Variants in RCAN1 observed in about 807,000 individuals in gnomAD.
The protein encoded by RCAN1 is calcipressin-1.
In RCAN1, 11 loss-of-function variants were observed where a neutral mutation model predicts 22.9. That is an observed-to-expected ratio of 0.48 (90% CI 0.30 to 0.79). The LOEUF (loss-of-function observed/expected upper bound fraction) is 0.79. Ranked by LOEUF, RCAN1 falls within the 30% of genes least tolerant of loss-of-function variation. RCAN1 has a pLI of 0.06. For synonymous variants in RCAN1, 136 were observed against 142.3 expected (o/e 0.96, Z 0.32); for missense variants, 291 against 337.8 (o/e 0.86, Z 1.09).
At chr21:34,608,969 T>A (rs1362930458) in intron 1 of RCAN1, among the ~76,000 whole-genome samples, 5 of 152,190 alleles carry the variant, frequency 3.3e-5, no homozygotes, top group Non-Finnish European at 5.9e-5. Context: ...CTGGGGAATG[T>A]GAGCATATTA....
At chr21:34,564,349 C>T (rs1986927480) in intron 1 of RCAN1, among the ~76,000 whole-genome samples, 1 of 151,948 alleles carries the variant, frequency 6.6e-6, no homozygotes, top group African/African-American at 2.4e-5. Context: ...AGAAATGAAG[C>T]TGGAGAGGCA....
chr21:34,564,456 G>C lies in RCAN1; in HGVS notation c.253-40746C>G, dbSNP rs537500855. On this transcript the variant is annotated intron_variant, in intron 1 of 3. Transcript: ENST00000313806. ...AGGAATGCAGCCAGGCTGCGATTTG[G>C]GGGAAGACTGCCCTGGGCCGCCCAG... Among the ~76,000 whole-genome samples, 3 of 152,260 alleles carry C rather than the reference G, an allele frequency of 2.0e-5. No homozygotes were observed. In the South Asian group the frequency reaches 6.2e-4, roughly 32 times the overall value.
chr21:34,576,400 C>G (rs950257487), intron 1 of RCAN1, among the ~76,000 whole-genome samples: 10 of 152,146 alleles, frequency 6.6e-5, no homozygotes, highest in African/African-American at 2.4e-4. Flanking sequence ...TCCAGAGGAA[C>G]CCAGGACAAG....
In RCAN1 at chr21:34,525,015, AGG is replaced by A. The variant is rs1984919165; in HGVS notation, c.253-1307_253-1306del. ...TGTGGGAGCCCGTGTGAAAGGCAGA[AGG>A]GGCTGGCCAGGAAGAAGGGGATGGC... On this transcript the variant is annotated intron_variant, in intron 1 of 3. Transcript: ENST00000313806. The A allele has an allele frequency of 2.6e-6, 4 of 1,533,530 alleles. No individual in the cohort carries two copies. The African/African-American group carries it at 5.5e-5, about 21-fold the overall frequency. 95.0% of individuals were successfully genotyped at this position (1,533,530 alleles called of 1,614,324 possible).
intron 1 of RCAN1, among the ~76,000 whole-genome samples, chr21:34,601,862 G>A (rs1395043663): frequency 1.3e-5 from 2 of 150,846 alleles, no homozygotes; most frequent in Admixed American, 1.3e-4. Context: ...TCCACATTCA[G>A]GATTCAGAGA....
intron 1 of RCAN1, among the ~76,000 whole-genome samples, chr21:34,604,409 G>A (rs974709650): frequency 2.0e-5 from 3 of 152,158 alleles, no homozygotes; most frequent in African/African-American, 7.2e-5. Flanking sequence ...TGAAATTACA[G>A]GGATAAGCCA....
intron 1 of RCAN1, among the ~76,000 whole-genome samples, chr21:34,560,970 C>A (rs887067334): frequency 6.6e-6 from 1 of 152,160 alleles, no homozygotes; most frequent in African/African-American, 2.4e-5. Flanking sequence ...AGGGTGGGAC[C>A]AGGTGGAGGT....
intron 2 of RCAN1, chr21:34,522,426 T>C (rs921381531): frequency 2.6e-5 from 4 of 152,102 alleles, no homozygotes; most frequent in African/African-American, 9.7e-5. Flanking sequence ...GAGTACTAAG[T>C]AATTATTTGC....
chr21:34,541,951 TA>T (rs760925811), intron 1 of RCAN1, among the ~76,000 whole-genome samples: 2 of 151,890 alleles, frequency 1.3e-5, no homozygotes, highest in African/African-American at 2.4e-5. Context: ...ATAAAATAAA[TA>T]AAAAAAATTT....
chr21:34,614,454 G>A lies in RCAN1; in HGVS notation c.252+306C>T, dbSNP rs1402666883. The A allele has an allele frequency of 9.9e-7, 1 of 1,014,700 alleles. No homozygotes were observed. Among genetic ancestry groups the A allele is most frequent in the African/African-American group, 1.7e-5 (1 of 58,242 alleles). The allele number at this position is 1,014,700 out of a possible 1,614,324, so 62.9% of individuals were successfully genotyped here. ...TGGCGAGAGCGCAGGGGGCGGCGGCGCTGCCCCACCTTGGGGAGCGAATTC... is the reference window on the plus strand; with the variant it reads ...TGGCGAGAGCGCAGGGGGCGGCGGCACTGCCCCACCTTGGGGAGCGAATTC... On this transcript the variant is annotated intron_variant, in intron 1 of 3. Transcript: ENST00000313806. The surrounding 1 kb of genome is among the most constrained non-coding windows in gnomAD (Gnocchi z 6.0).
At chr21:34,606,144 CAAT>C (rs1367578326) in intron 1 of RCAN1, among the ~76,000 whole-genome samples, 2 of 152,100 alleles carry the variant, frequency 1.3e-5, no homozygotes, top group East Asian at 1.9e-4. Flanking sequence ...AAGTAAACAA[CAAT>C]GAGAAAGGGG....
chr21:34,603,457 A>C (rs1988426339), intron 1 of RCAN1, among the ~76,000 whole-genome samples: 1 of 152,182 alleles, frequency 6.6e-6, no homozygotes, highest in African/African-American at 2.4e-5. Context: ...TGGAGAATTA[A>C]GTGGGCAGAG....
chr21:34,559,493 A>G (rs565751825), intron 1 of RCAN1: 1 of 152,280 alleles, frequency 6.6e-6, no homozygotes, highest in African/African-American at 2.4e-5. Flanking sequence ...ATGGTCTAAT[A>G]AGCCTAACAA....
At chr21:34,527,009 T>G in intron 1 of RCAN1, 3 of 1,255,870 alleles carry the variant, frequency 2.4e-6, no homozygotes, top group Non-Finnish European at 3.0e-6. Context: ...CGTCAACACC[T>G]TAGTCATTTT....
Position 34,614,583 on chromosome 21 carries a change from C to T in RCAN1, c.252+177G>A. The T allele has an allele frequency of 1.0e-6, 1 of 995,480 alleles. No homozygotes were observed. 61.7% of individuals were successfully genotyped at this position (995,480 alleles called of 1,614,324 possible). ...CCCGGGGGTGCTAGGGGACCGGGACCCTCGGGGCGCCGTCCCCACGCCCCA... is the reference window on the plus strand; with the variant it reads ...CCCGGGGGTGCTAGGGGACCGGGACTCTCGGGGCGCCGTCCCCACGCCCCA... On this transcript the variant is annotated intron_variant, in intron 1 of 3. Coordinates refer to ENST00000313806, the MANE Select transcript of RCAN1 (RefSeq NM_004414.7). This position sits in a 1 kb window ranked among gnomAD's most constrained non-coding sequence, Gnocchi z 6.0.
chr21:34,571,034 C>G (rs1320866567), intron 1 of RCAN1, among the ~76,000 whole-genome samples: 1 of 152,102 alleles, frequency 6.6e-6, no homozygotes, highest in Non-Finnish European at 1.5e-5. Flanking sequence ...TGGCTCAACC[C>G]TGTAATCCCA....
At chr21:34,531,447 T>C (rs1360388951) in intron 1 of RCAN1, among the ~76,000 whole-genome samples, 1 of 152,182 alleles carries the variant, frequency 6.6e-6, no homozygotes, top group Admixed American at 6.5e-5. Context: ...CTGTAGGTTC[T>C]CTATCCCATC....
chr21:34,601,637 T>C (rs913813648), intron 1 of RCAN1, among the ~76,000 whole-genome samples: 1 of 152,110 alleles, frequency 6.6e-6, no homozygotes, highest in East Asian at 1.9e-4. Context: ...GCTAACACGG[T>C]GAAACCCCAT....
At chr21:34,527,578 A>C (rs8133540) in intron 1 of RCAN1, among the ~76,000 whole-genome samples, 17,837 of 152,138 alleles carry the variant, frequency 0.12, 1,621 homozygotes, top group East Asian at 0.31. Flanking sequence ...TGGGGATATG[A>C]AACACTTCGA....
Sources: gnomAD v4.1 joint callset for allele counts (sites outside exome capture counted in the v4.1 genomes callset) on GRCh38, gnomAD v4.1.1 for gene constraint, Gnocchi (gnomAD v3.1) non-coding constraint, MANE v1.5 for transcripts, NCBI Gene and HGNC (gene_info 2026-07-23, HGNC 2026-07-21) for gene names.